OVOL2: variants seen among roughly 807,000 people sequenced by gnomAD.
OVOL2 encodes ovo like zinc finger 2, also known as transcription factor Ovo-like 2.
In OVOL2, 13 loss-of-function variants were observed where a neutral mutation model predicts 18.1. The observed-to-expected ratio is 0.72, with a 90% CI of 0.47 to 1.14. OVOL2 has a LOEUF of 1.14. Ranked by LOEUF, OVOL2 falls within the 50% of genes most tolerant of loss-of-function variation. The pLI is 0.00. For missense variants in OVOL2, 335 were observed against 383.0 expected, an observed-to-expected ratio of 0.87 and a Z score of 1.05; for synonymous variants, 166 against 162.7, an observed-to-expected ratio of 1.02 and a Z score of -0.16.
intron 3 of OVOL2, among the ~76,000 whole-genome samples, chr20:18,036,458 C>T (rs2036615807): frequency 6.6e-6 from 1 of 152,178 alleles, no homozygotes. Context: ...GACCAGCCAG[C>T]ACACCTCTAG....
chr20:18,055,710 C>G (rs149110674), intron 2 of OVOL2, among the ~76,000 whole-genome samples: 148 of 152,342 alleles, frequency 9.7e-4, no homozygotes, highest in Non-Finnish European at 1.6e-3. Flanking sequence ...CCTCTACTCC[C>G]GGTCTGGGTG....
At chr20:18,042,777 A>AAC (rs1555795544) in intron 2 of OVOL2, among the ~76,000 whole-genome samples, 2 of 147,188 alleles carry the variant, frequency 1.4e-5, no homozygotes, top group Non-Finnish European at 3.0e-5. Context: ...CTCCGTCTCA[A>AAC]AAAAAAAAAA....
intron 3 of OVOL2, among the ~76,000 whole-genome samples, chr20:18,026,935 TG>T (rs2036524986): frequency 6.6e-6 from 1 of 151,992 alleles, no homozygotes; most frequent in Non-Finnish European, 1.5e-5. Flanking sequence ...CAACAGACGC[TG>T]GGGACTACCA....
rs751132960 is a variant in OVOL2, at chr20:18,024,590, T to C, written c.*46A>G. 8.0e-6 allele frequency: 12 copies of C among 1,500,012 alleles called. No homozygotes were observed. Among genetic ancestry groups the C allele is most frequent in the South Asian group, 4.0e-5 (3 of 75,118 alleles). 92.9% of individuals were successfully genotyped at this position (1,500,012 alleles called of 1,614,324 possible). On this transcript the variant is annotated 3_prime_UTR_variant, in exon 4 of 4. Transcript: ENST00000278780. ...GGAAGCTGAAAACCAAAAATCCACGTAGACATACGTGGCAGTGTGAACGTC... is the reference window on the plus strand; with the variant it reads ...GGAAGCTGAAAACCAAAAATCCACGCAGACATACGTGGCAGTGTGAACGTC...
At chr20:18,053,853 C>T (rs554307824) in intron 2 of OVOL2, among the ~76,000 whole-genome samples, 3 of 152,250 alleles carry the variant, frequency 2.0e-5, no homozygotes, top group African/African-American at 7.2e-5. Context: ...CTCTTTACCG[C>T]CAACTCTCTC....
At position 18,024,654 on chromosome 20, in the gene OVOL2, C is replaced by A. The variant is rs1249501942; in HGVS notation, c.810G>T (p.Glu270Asp). The change falls in exon 4 of 4, where the codon GAG becomes GAT. Residue 270 changes from glutamate to aspartate, a missense_variant. Coordinates refer to ENST00000278780, the MANE Select transcript of OVOL2 (RefSeq NM_021220.4). The part of the protein sequence containing the change: ...SAHQENTSLS[E>D]EEERK ...CTTCTCCTCACTTCCTCTCCTCCTC[C>A]TCACTCAGGCTGGTATTCTCCTGGT... 1 of 1,606,732 alleles carries A rather than the reference C, an allele frequency of 6.2e-7. No individual in the cohort carries two copies. The highest frequency in any genetic ancestry group is 8.5e-7 in the Non-Finnish European group (1 of 1,174,800).
Position 18,056,967 on chromosome 20 carries a change from G to T in OVOL2, c.101-90C>A, listed in dbSNP as rs2036834723. The T allele has an allele frequency of 1.5e-6, 2 of 1,350,192 alleles. No individual in the cohort carries two copies. Among genetic ancestry groups the T allele is most frequent in the South Asian group, 1.7e-5 (1 of 58,742 alleles). The allele number at this position is 1,350,192 out of a possible 1,614,324, so 83.6% of individuals were successfully genotyped here. ...TTGACCTGCGGGCGGTGCTGCCGCCGCCCCGCCCCGGACCTGGGCACCTCG... is the reference window on the plus strand; with the variant it reads ...TTGACCTGCGGGCGGTGCTGCCGCCTCCCCGCCCCGGACCTGGGCACCTCG... On this transcript the variant is annotated intron_variant, in intron 1 of 3. Transcript: ENST00000278780. This position sits in a 1 kb window ranked among gnomAD's most constrained non-coding sequence, Gnocchi z 4.2.
chr20:18,031,001 C>T lies in OVOL2; in HGVS notation c.512-6049G>A, dbSNP rs181824868. Among the ~76,000 whole-genome samples, 126 of 152,310 alleles carry T rather than the reference C, an allele frequency of 8.3e-4. 1 individual carries two copies. Among genetic ancestry groups the T allele is most frequent in the African/African-American group, 2.2e-3 (90 of 41,566 alleles). Reference sequence around the variant, plus strand: ...GGCCAGAGAGGAGCCCTGGGCAAGACGGACTGATGCCAAGGCCCCTCCCAC... The same window carrying T: ...GGCCAGAGAGGAGCCCTGGGCAAGATGGACTGATGCCAAGGCCCCTCCCAC... On this transcript the variant is annotated intron_variant, in intron 3 of 3. Coordinates refer to ENST00000278780, the MANE Select transcript of OVOL2 (RefSeq NM_021220.4).
chr20:18,044,176 A>T (rs1054769271), intron 2 of OVOL2, among the ~76,000 whole-genome samples: 1 of 152,172 alleles, frequency 6.6e-6, no homozygotes, highest in Non-Finnish European at 1.5e-5. Context: ...CTGATTCAGG[A>T]GGTCTGGTAG....
intron 3 of OVOL2, among the ~76,000 whole-genome samples, chr20:18,030,263 T>C (rs2036556329): frequency 6.6e-6 from 1 of 152,174 alleles, no homozygotes; most frequent in South Asian, 2.1e-4. Flanking sequence ...CACTACCCAG[T>C]AGATCAAGCG....
In OVOL2 at chr20:18,038,195, C is replaced by T. The variant is rs573212658; in HGVS notation, c.511+3339G>A. On this transcript the variant is annotated intron_variant, in intron 3 of 3. Coordinates refer to ENST00000278780, the MANE Select transcript of OVOL2 (RefSeq NM_021220.4). ...TCCTCCCTATGTTGGCTGAGAGCTC[C>T]ATGAGCACAGAGGTGAATCCTAGGG... is the stretch of plus-strand genomic sequence containing the variant. Among the ~76,000 whole-genome samples the T allele has an allele frequency of 3.3e-4, 49 of 149,816 alleles. 1 individual carries two copies. The highest frequency in any genetic ancestry group is 1.7e-3 in the South Asian group (8 of 4,810).
In OVOL2 at chr20:18,057,430, G is replaced by C; in HGVS notation, c.100+105C>G. On this transcript the variant is annotated intron_variant, in intron 1 of 3. Coordinates refer to ENST00000278780, the MANE Select transcript of OVOL2 (RefSeq NM_021220.4). This position sits in a 1 kb window ranked among gnomAD's most constrained non-coding sequence, Gnocchi z 6.3. ...CCCCCGCGTGCCCCCCGGAAGAGGG[G>C]GATGAGGTGGGGAGCCCGCCCCTGC... 7.6e-7 allele frequency: 1 copy of C among 1,313,678 alleles called. No homozygotes were observed. Among genetic ancestry groups the C allele is most frequent in the South Asian group, 1.3e-5 (1 of 74,402 alleles). 81.4% of individuals were successfully genotyped at this position (1,313,678 alleles called of 1,614,324 possible).
At chr20:18,027,633 T>C (rs931511961) in intron 3 of OVOL2, among the ~76,000 whole-genome samples, 23 of 152,024 alleles carry the variant, frequency 1.5e-4, no homozygotes, top group Non-Finnish European at 3.1e-4. Context: ...ACTCGCTCTG[T>C]CGCCCAGGCT....
chr20:18,056,922 A>T lies in OVOL2; in HGVS notation c.101-45T>A. 1 of 1,444,350 alleles carries T rather than the reference A, an allele frequency of 6.9e-7. No individual in the cohort carries two copies. The highest frequency in any genetic ancestry group is 9.0e-7 in the Non-Finnish European group (1 of 1,107,138). The allele number at this position is 1,444,350 out of a possible 1,614,324, so 89.5% of individuals were successfully genotyped here. Reference sequence around the variant, plus strand: ...GCCCCGACACACACACTCGGCGTCAACCCGCACGCCCGCGGCAGTTTGACC... The same window carrying T: ...GCCCCGACACACACACTCGGCGTCATCCCGCACGCCCGCGGCAGTTTGACC... On this transcript the variant is annotated intron_variant, in intron 1 of 3. Transcript: ENST00000278780. The surrounding 1 kb of genome is among the most constrained non-coding windows in gnomAD (Gnocchi z 4.2).
At chr20:18,054,766 C>CAAAAAAAAAAAAAAAAAAA (rs745367889) in intron 2 of OVOL2, among the ~76,000 whole-genome samples, 10 of 63,448 alleles carry the variant, frequency 1.6e-4, no homozygotes, top group African/African-American at 5.6e-4. Flanking sequence ...AACTCCATCT[C>CAAAAAAAAAAAAAAAAAAA]AAAAAAAAAA....
chr20:18,056,816 G>A lies in OVOL2; in HGVS notation c.162C>T (p.Ser54=). Residue 54 remains serine, a synonymous_variant, in exon 2 of 4, where the codon AGC becomes AGT. Coordinates refer to ENST00000278780, the MANE Select transcript of OVOL2 (RefSeq NM_021220.4). The surrounding 1 kb of genome is among the most constrained non-coding windows in gnomAD (Gnocchi z 4.2). ...CCGCGCTGCTGCTGCCGCTGCCGCTGCTGCTGCCGCCGTCGCTGCGGCAGT... is the reference window on the plus strand; with the variant it reads ...CCGCGCTGCTGCTGCCGCTGCCGCTACTGCTGCCGCCGTCGCTGCGGCAGT... The part of the protein sequence containing the change: ...PEDCRSDGGS[S]SGSGSSSAGE... 6.7e-7 allele frequency: 1 copy of A among 1,493,166 alleles called. No individual in the cohort carries two copies. The highest frequency in any genetic ancestry group is 2.8e-5 in the East Asian group (1 of 35,108). 92.5% of individuals were successfully genotyped at this position (1,493,166 alleles called of 1,614,324 possible). A position where few individuals can be genotyped will look rare whatever the true frequency, so the allele number is the denominator to read the frequency against.
upstream of OVOL2, chr20:18,057,918 G>T: frequency 7.8e-7 from 1 of 1,280,476 alleles, no homozygotes; most frequent in Non-Finnish European, 9.9e-7. The surrounding 1 kb of genome is among the most constrained non-coding windows in gnomAD (Gnocchi z 6.3). Context: ...AGGAAACTTG[G>T]GACTGAGCAT....
chr20:18,041,384 C>G (rs2036666293), intron 3 of OVOL2, 150 bp downstream of exon 3: 5 of 994,848 alleles, frequency 5.0e-6, no homozygotes, highest in Non-Finnish European at 7.0e-6. Context: ...AGGCTGGTCT[C>G]AAACTCCTAA....
chr20:18,057,476 C>T lies in OVOL2; in HGVS notation c.100+59G>A, dbSNP rs1330118852. The T allele has an allele frequency of 1.3e-6, 2 of 1,527,324 alleles. No individual in the cohort carries two copies. Among genetic ancestry groups the T allele is most frequent in the South Asian group, 1.2e-5 (1 of 83,210 alleles). 94.6% of individuals were successfully genotyped at this position (1,527,324 alleles called of 1,614,324 possible). On this transcript the variant is annotated intron_variant, in intron 1 of 3. Transcript: ENST00000278780. The surrounding 1 kb of genome is among the most constrained non-coding windows in gnomAD (Gnocchi z 6.3). ...CCTGCCGATGAGCAGAGAAGACCCG[C>T]CACCCCTTCCCCCACCCCGGGAGCC...
Sources: gnomAD v4.1 joint callset for allele counts (sites outside exome capture counted in the v4.1 genomes callset) on GRCh38, gnomAD v4.1.1 for gene constraint, Gnocchi (gnomAD v3.1) non-coding constraint, MANE v1.5 for transcripts, NCBI Gene and HGNC (gene_info 2026-07-23, HGNC 2026-07-21) for gene names.